ANTXR2: variants seen among roughly 807,000 people sequenced by gnomAD.
ANTXR2 encodes anthrax toxin receptor 2.
In ANTXR2, 44 loss-of-function variants were observed where a neutral mutation model predicts 73.7. The observed-to-expected ratio is 0.60, with a 90% confidence interval of 0.47 to 0.77. ANTXR2 has a LOEUF of 0.77. Ranked by LOEUF, ANTXR2 falls within the 30% of genes least tolerant of loss-of-function variation. The pLI is 0.00. For missense variants in ANTXR2, 604 were observed against 592.5 expected (o/e 1.02, Z -0.20); for synonymous variants, 217 against 205.9 (o/e 1.05, Z -0.46).
intron 16 of ANTXR2, among the ~76,000 whole-genome samples, chr4:79,910,039 ACTT>A (rs1437260171): frequency 2.6e-5 from 4 of 152,306 alleles, no homozygotes; most frequent in Non-Finnish European, 5.9e-5. Context: ...AGCCTCTGCC[ACTT>A]CTTAACTGTG....
intron 16 of ANTXR2, among the ~76,000 whole-genome samples, chr4:79,951,113 C>A (rs1728685247): frequency 6.6e-6 from 1 of 152,092 alleles, no homozygotes; most frequent in Non-Finnish European, 1.5e-5. Context: ...AAACAAAAAA[C>A]CCAACTTGTT....
intron 12 of ANTXR2, among the ~76,000 whole-genome samples, chr4:80,002,615 C>G (rs1297760777): frequency 1.8e-4 from 27 of 151,776 alleles, no homozygotes; most frequent in South Asian, 4.2e-4. Context: ...CCATCAGAGT[C>G]AACAGGCAAC....
chr4:79,949,203 G>A (rs1156237935), intron 16 of ANTXR2, among the ~76,000 whole-genome samples: 1 of 152,158 alleles, frequency 6.6e-6, no homozygotes, highest in Non-Finnish European at 1.5e-5. Context: ...CAAACAGGAT[G>A]AGAACACAGA....
At chr4:80,056,343 CA>C (rs1424394705) in intron 3 of ANTXR2, among the ~76,000 whole-genome samples, 1 of 151,818 alleles carries the variant, frequency 6.6e-6, no homozygotes, top group African/African-American at 2.4e-5. Flanking sequence ...CCCTTATCCA[CA>C]AAAATACAAA....
intron 11 of ANTXR2, among the ~76,000 whole-genome samples, chr4:80,009,429 C>A (rs767845999): frequency 3.0e-4 from 46 of 152,108 alleles, no homozygotes; most frequent in Non-Finnish European, 6.0e-4. Context: ...CACGATGCAA[C>A]GAATTATGAA....
Position 80,055,405 on chromosome 4 carries a change from T to A in ANTXR2, c.441A>T (p.Thr147=), listed in dbSNP as rs897767179. Reference sequence around the variant, plus strand: ...GCACCAGACCGTCCAACTTGCCATCTGTCAGAGCAATTATGATACTGGAGG... The same window carrying A: ...GCACCAGACCGTCCAACTTGCCATCAGTCAGAGCAATTATGATACTGGAGG... ...LKTSSIIIAL[T]DGKLDGLVPS... is the part of the protein sequence containing the mutation. Residue 147 remains threonine, a synonymous_variant, in exon 5 of 17, where the codon ACA becomes ACT. Coordinates refer to ENST00000403729, the MANE Select transcript of ANTXR2 (RefSeq NM_058172.6). 1.2e-6 allele frequency: 2 copies of A among 1,611,332 alleles called. No individual in the cohort carries two copies. Among genetic ancestry groups the A allele is most frequent in the Non-Finnish European group, 1.7e-6 (2 of 1,178,422 alleles).
At chr4:80,026,816 A>G (rs1302124802) in intron 10 of ANTXR2, among the ~76,000 whole-genome samples, 1 of 152,162 alleles carries the variant, frequency 6.6e-6, no homozygotes, top group African/African-American at 2.4e-5. Flanking sequence ...TTTAAATTGT[A>G]TCCTATTTAA....
At position 80,054,428 on chromosome 4, in the gene ANTXR2, G is replaced by A. The variant is rs752804973; in HGVS notation, c.556-76C>T. The A allele has an allele frequency of 1.2e-5, 13 of 1,073,628 alleles. No individual in the cohort carries two copies. In the South Asian group the frequency reaches 1.9e-4, roughly 16 times the overall value. The allele number at this position is 1,073,628 out of a possible 1,614,324, so 66.5% of individuals were successfully genotyped here. ...AATTTATAAACTTCGTTACATTTCA[G>A]TTATGTTCATCTGAAAAATTACCCC... On this transcript the variant is annotated intron_variant, in intron 6 of 16. Transcript: ENST00000403729.
chr4:80,058,705 C>T (rs1044890886), intron 3 of ANTXR2, among the ~76,000 whole-genome samples: 1 of 150,250 alleles, frequency 6.7e-6, no homozygotes, highest in African/African-American at 2.4e-5. Flanking sequence ...TAAATGAAAG[C>T]GAAAATGACT....
intron 16 of ANTXR2, among the ~76,000 whole-genome samples, chr4:79,959,155 A>G (rs1289586460): frequency 1.3e-5 from 2 of 152,116 alleles, no homozygotes; most frequent in African/African-American, 2.4e-5. Flanking sequence ...TTATGTTTTT[A>G]TAATTCAGAA....
chr4:79,918,207 C>T (rs1727430517), intron 16 of ANTXR2, among the ~76,000 whole-genome samples: 1 of 151,840 alleles, frequency 6.6e-6, no homozygotes, highest in Non-Finnish European at 1.5e-5. Flanking sequence ...GAATCTGAGC[C>T]CTATGAGACA....
intron 10 of ANTXR2, 34 bp from the exon 11 acceptor site, chr4:80,019,010 AT>A (rs1222032965): frequency 7.4e-7 from 1 of 1,348,118 alleles, no homozygotes; most frequent in East Asian, 2.8e-5. Context: ...TTTTATATAC[AT>A]TTAAAACCAG....
At chr4:80,041,812 G>A (rs1030156609) in intron 7 of ANTXR2, among the ~76,000 whole-genome samples, 2 of 152,044 alleles carry the variant, frequency 1.3e-5, no homozygotes, top group Non-Finnish European at 2.9e-5. Flanking sequence ...TCCTTTTTAT[G>A]GCTGCAGAGT....
At chr4:80,069,286 C>T (rs1371884184) in intron 3 of ANTXR2, 150 bp downstream of exon 3, 2 of 687,592 alleles carry the variant, frequency 2.9e-6, no homozygotes, top group African/African-American at 1.8e-5. Context: ...TTATATTACT[C>T]ATACCTCCTT....
At chr4:80,013,752 G>A (rs756727662) in intron 11 of ANTXR2, among the ~76,000 whole-genome samples, 39 of 152,026 alleles carry the variant, frequency 2.6e-4, no homozygotes, top group Non-Finnish European at 4.7e-4. Context: ...TCTCATCAGC[G>A]CAAGTCTCAC....
chr4:79,988,277 A>G (rs1215620340), intron 12 of ANTXR2, among the ~76,000 whole-genome samples: 3 of 98,220 alleles, frequency 3.1e-5, no homozygotes, highest in African/African-American at 1.2e-4. Flanking sequence ...ATATATATAT[A>G]TGTAGGCTGA....
chr4:80,008,521 C>T lies in ANTXR2; in HGVS notation c.1041G>A (p.Val347=). ...AGAGTTGTAAATCCTTCTTACTCAC[C>T]ACTTTGCAGCAAAGGGGCCAAAACC... is the stretch of plus-strand genomic sequence containing the variant. The part of the protein sequence containing the change: ...MWWFWPLCCK[V]VIKDPPPPPA... Residue 347 remains valine (V), a splice_region_variant and synonymous_variant, in exon 12 of 17, where the codon GTG becomes GTA. Transcript: ENST00000403729. 1.2e-6 allele frequency: 2 copies of T among 1,604,004 alleles called. No homozygotes were observed. The highest frequency in any genetic ancestry group is 2.3e-5 in the East Asian group (1 of 44,382).
intron 10 of ANTXR2, among the ~76,000 whole-genome samples, chr4:80,021,150 A>C (rs1732143386): frequency 6.9e-5 from 2 of 29,194 alleles, no homozygotes; most frequent in Admixed American, 7.4e-4. Context: ...ACTCCATCTC[A>C]AAAAAAAAAA....
intron 16 of ANTXR2, among the ~76,000 whole-genome samples, chr4:79,937,343 GTT>G (rs1728306856): frequency 6.6e-6 from 1 of 152,148 alleles, no homozygotes; most frequent in Non-Finnish European, 1.5e-5. Flanking sequence ...TTGGAAGAAT[GTT>G]TGTAATATCC....
Sources: allele counts gnomAD v4.1 joint callset (sites outside exome capture counted in the v4.1 genomes callset), GRCh38; gene constraint gnomAD v4.1.1; transcripts MANE v1.5; gene names NCBI Gene and HGNC (gene_info 2026-07-23, HGNC 2026-07-21).